Variants in IMMP2L observed in about 807,000 individuals in gnomAD.
IMMP2L encodes the protein mitochondrial inner membrane protease subunit 2.
A neutral mutation model predicts 19.3 loss-of-function variants in IMMP2L; 18 were observed. That is an observed-to-expected ratio of 0.93 (90% CI 0.64 to 1.38). The LOEUF (loss-of-function observed/expected upper bound fraction) is 1.38. IMMP2L is among the 40% of genes most tolerant of loss of function. IMMP2L has a pLI of 0.00. For missense variants in IMMP2L, 233 were observed against 218.2 expected, an observed-to-expected ratio of 1.07 and a Z score of -0.43; for synonymous variants, 76 against 73.0, an observed-to-expected ratio of 1.04 and a Z score of -0.21.
intron 4 of IMMP2L, among the ~76,000 whole-genome samples, chr7:110,945,669 A>G (rs1175747669): frequency 1.3e-5 from 2 of 152,000 alleles, no homozygotes; most frequent in East Asian, 3.9e-4. Context: ...CATTTAGTCC[A>G]AAGGTCCTCA....
At chr7:111,308,036 T>C (rs1823070370) in intron 3 of IMMP2L, among the ~76,000 whole-genome samples, 1 of 151,994 alleles carries the variant, frequency 6.6e-6, no homozygotes, top group Non-Finnish European at 1.5e-5. Flanking sequence ...TATAGTGATA[T>C]AGTTCAACTC....
At chr7:111,003,417 A>G (rs2129561665) in intron 3 of IMMP2L, among the ~76,000 whole-genome samples, 1 of 152,316 alleles carries the variant, frequency 6.6e-6, no homozygotes, top group East Asian at 1.9e-4. Flanking sequence ...CAGGAGTCAT[A>G]CAAAAACCTT....
chr7:110,906,664 C>A (rs1490025445), intron 4 of IMMP2L, among the ~76,000 whole-genome samples: 1 of 151,528 alleles, frequency 6.6e-6, no homozygotes, highest in Non-Finnish European at 1.5e-5. Flanking sequence ...TGATGGTGGG[C>A]AAGTTATTTA....
At chr7:111,214,330 T>TG in intron 3 of IMMP2L, among the ~76,000 whole-genome samples, 1 of 127,054 alleles carries the variant, frequency 7.9e-6, no homozygotes, top group African/African-American at 3.0e-5. Context: ...TAATTTTTCT[T>TG]CTTTTTTTTT....
intron 5 of IMMP2L, among the ~76,000 whole-genome samples, chr7:110,690,759 TA>T (rs1274547100): frequency 2.0e-5 from 3 of 151,972 alleles, no homozygotes; most frequent in Admixed American, 2.0e-4. Context: ...GAATATACTT[TA>T]CCAAGAAGGT....
chr7:110,674,967 C>T (rs1792189630), intron 5 of IMMP2L, among the ~76,000 whole-genome samples: 3 of 152,320 alleles, frequency 2.0e-5, no homozygotes, highest in Middle Eastern at 3.4e-3. Context: ...TCCCTCCCAG[C>T]CAGTCCAATT....
At chr7:111,481,974 T>A (rs564568433) in intron 3 of IMMP2L, among the ~76,000 whole-genome samples, 47 of 152,306 alleles carry the variant, frequency 3.1e-4, no homozygotes, top group African/African-American at 1.1e-3. Flanking sequence ...GGAGGATCAC[T>A]TAGGCCCAGG....
At chr7:110,789,894 C>T (rs1260296981) in intron 5 of IMMP2L, among the ~76,000 whole-genome samples, 2 of 151,644 alleles carry the variant, frequency 1.3e-5, no homozygotes, top group African/African-American at 2.4e-5. Flanking sequence ...TTCCTCCAGG[C>T]TTCTACTCAT....
rs924718932 is a variant in IMMP2L at position 111,410,493 on chromosome 7, A to T, written c.239+76745T>A. Among the ~76,000 whole-genome samples, 8 of 151,702 alleles carry T rather than the reference A, an allele frequency of 5.3e-5. 1 individual carries two copies. The highest frequency in any genetic ancestry group is 1.9e-4 in the African/African-American group (8 of 41,044). On this transcript the variant is annotated intron_variant, in intron 3 of 5. Transcript: ENST00000405709. ...TGTTCAAATTCAGCTGAACAATGTA[A>T]ATACTAATATTCAATGCCTAACAGT...
chr7:111,301,208 T>A (rs1822201958), intron 3 of IMMP2L, among the ~76,000 whole-genome samples: 1 of 152,166 alleles, frequency 6.6e-6, no homozygotes, highest in African/African-American at 2.4e-5. Context: ...ATGTTGTACG[T>A]CTTTTCATTG....
At chr7:111,176,193 T>G (rs1232698055) in intron 3 of IMMP2L, among the ~76,000 whole-genome samples, 1 of 152,008 alleles carries the variant, frequency 6.6e-6, no homozygotes, top group African/African-American at 2.4e-5. Flanking sequence ...AATGCCACTA[T>G]GTAGAACAGT....
At chr7:111,422,742 T>C (rs113339081) in intron 3 of IMMP2L, among the ~76,000 whole-genome samples, 3,135 of 151,964 alleles carry the variant, frequency 0.021, 191 homozygotes, top group African/African-American at 0.072. Flanking sequence ...TGGCCAGAAC[T>C]TCCAACACTA....
chr7:111,427,479 G>C (rs541967775), intron 3 of IMMP2L, among the ~76,000 whole-genome samples: 1 of 151,636 alleles, frequency 6.6e-6, no homozygotes, highest in African/African-American at 2.4e-5. Context: ...TAGAAAACCT[G>C]ATTTCATTTG....
intron 5 of IMMP2L, among the ~76,000 whole-genome samples, chr7:110,836,141 T>C (rs1459916392): frequency 6.6e-6 from 1 of 152,072 alleles, no homozygotes; most frequent in Non-Finnish European, 1.5e-5. Flanking sequence ...TGGAATGAAA[T>C]CTCTGTAAGA....
intron 3 of IMMP2L, among the ~76,000 whole-genome samples, chr7:111,363,060 C>G (rs1563103284): frequency 6.6e-6 from 1 of 152,048 alleles, no homozygotes; most frequent in Non-Finnish European, 1.5e-5. Context: ...TTCACTACTC[C>G]AAGTGTTTTA....
At chr7:110,780,262 A>T (rs905589653) in intron 5 of IMMP2L, among the ~76,000 whole-genome samples, 1 of 151,144 alleles carries the variant, frequency 6.6e-6, no homozygotes, top group African/African-American at 2.4e-5. Context: ...CCTATAATTG[A>T]ATTAGAAGCT....
chr7:111,496,309 G>GT (rs1490959874), intron 2 of IMMP2L, among the ~76,000 whole-genome samples: 3 of 152,126 alleles, frequency 2.0e-5, no homozygotes, highest in Non-Finnish European at 4.4e-5. Context: ...GTACAAAGCT[G>GT]TAAGTTAGAA....
At chr7:110,867,537 T>C (rs1808100615) in intron 5 of IMMP2L, among the ~76,000 whole-genome samples, 2 of 152,032 alleles carry the variant, frequency 1.3e-5, no homozygotes, top group African/African-American at 4.8e-5. Flanking sequence ...TAAAATGTCT[T>C]TATGTATGTG....
At position 111,408,689 on chromosome 7, in the gene IMMP2L, T is replaced by C. The variant is rs868038929; in HGVS notation, c.239+78549A>G. 5.1e-4 allele frequency among the ~76,000 whole-genome samples: 77 copies of C among 151,924 alleles called. 1 individual carries two copies. The highest frequency in any genetic ancestry group is 1.7e-3 in the African/African-American group (71 of 41,342). ...TACTTGGAGATACTAACTTCTCATG[T>C]ATCTACCAATAAAACACTCTCAAAT... On this transcript the variant is annotated intron_variant, in intron 3 of 5. Transcript: ENST00000405709.
Sources: gnomAD v4.1 joint callset for allele counts (sites outside exome capture counted in the v4.1 genomes callset) on GRCh38, gnomAD v4.1.1 for gene constraint, MANE v1.5 for transcripts, NCBI Gene and HGNC (gene_info 2026-07-23, HGNC 2026-07-21) for gene names.